Variants in RPS6KA5 observed in about 807,000 individuals in gnomAD.
RPS6KA5 encodes ribosomal protein S6 kinase A5, also known as ribosomal protein S6 kinase alpha-5.
RPS6KA5 carries 27 observed loss-of-function variants against 85.5 expected under a neutral mutation model. The ratio of observed to expected loss-of-function variants is 0.32; its 90% CI spans 0.23 to 0.44. The LOEUF is 0.44. RPS6KA5 is among the 20% of genes least tolerant of loss of function. RPS6KA5 has a pLI of 1.00. For synonymous variants in RPS6KA5, 334 were observed against 348.2 expected (o/e 0.96, Z 0.46); for missense variants, 811 against 980.9 (o/e 0.83, Z 2.31).
At chr14:90,887,981 A>G (rs2034332311) in intron 14 of RPS6KA5, among the ~76,000 whole-genome samples, 1 of 149,482 alleles carries the variant, frequency 6.7e-6, no homozygotes, top group African/African-American at 2.4e-5. Flanking sequence ...AGGAATCTAA[A>G]TTAGAAAGTG....
chr14:90,867,491 T>C lies in RPS6KA5; in HGVS notation c.*4583A>G, dbSNP rs2032850812. ...CTGCTATACTAAATACTAACTTGAC[T>C]TATCTGAAGTATTCAATACTTTCTG... On this transcript the variant is annotated 3_prime_UTR_variant, in exon 17 of 17. Coordinates refer to ENST00000614987, the MANE Select transcript of RPS6KA5 (RefSeq NM_004755.4). The C allele has an allele frequency of 6.6e-6, 1 of 152,186 alleles. No homozygotes were observed. The highest frequency in any genetic ancestry group is 6.5e-5 in the Admixed American group (1 of 15,276). 9.4% of individuals were successfully genotyped at this position (152,186 alleles called of 1,614,324 possible).
At chr14:91,046,670 T>C (rs1439953748) in intron 1 of RPS6KA5, among the ~76,000 whole-genome samples, 1 of 152,218 alleles carries the variant, frequency 6.6e-6, no homozygotes, top group Non-Finnish European at 1.5e-5. Context: ...ATTCTACTTA[T>C]ATAGAAAACC....
intron 14 of RPS6KA5, among the ~76,000 whole-genome samples, chr14:90,880,056 C>T (rs951077550): frequency 1.2e-4 from 18 of 152,172 alleles, no homozygotes; most frequent in African/African-American, 4.1e-4. Context: ...GCCTTGGCCT[C>T]CCAAAGGGCT....
At chr14:91,027,395 C>T (rs1437917156) in intron 1 of RPS6KA5, among the ~76,000 whole-genome samples, 1 of 152,038 alleles carries the variant, frequency 6.6e-6, no homozygotes. Context: ...TTTTTTTCCA[C>T]TTTGCCAAAG....
At chr14:90,875,916 G>T (rs970072922) in intron 14 of RPS6KA5, among the ~76,000 whole-genome samples, 1 of 123,072 alleles carries the variant, frequency 8.1e-6, no homozygotes, top group African/African-American at 3.0e-5. Context: ...GTGGGGGGAG[G>T]GGGGAGGGAT....
chr14:90,875,702 C>T (rs1013455673), intron 14 of RPS6KA5, among the ~76,000 whole-genome samples: 6 of 151,824 alleles, frequency 4.0e-5, no homozygotes, highest in African/African-American at 9.7e-5. Flanking sequence ...CATATATACA[C>T]CATGGAATAC....
At chr14:90,923,020 G>C in intron 6 of RPS6KA5, 93 bp downstream of exon 6, 1 of 844,542 alleles carries the variant, frequency 1.2e-6, no homozygotes, top group South Asian at 1.6e-5. Context: ...CCAGAAAGAC[G>C]GCTCTGTTGA....
At chr14:91,028,520 A>G (rs1361308234) in intron 1 of RPS6KA5, among the ~76,000 whole-genome samples, 1 of 146,316 alleles carries the variant, frequency 6.8e-6, no homozygotes, top group Non-Finnish European at 1.5e-5. Flanking sequence ...CCAGCCTTAA[A>G]TGATTTTTTT....
At chr14:91,031,385 A>T (rs1374274023) in intron 1 of RPS6KA5, among the ~76,000 whole-genome samples, 1 of 152,358 alleles carries the variant, frequency 6.6e-6, no homozygotes, top group South Asian at 2.1e-4. Context: ...CGCCACAGAT[A>T]TAATACTAAA....
intron 1 of RPS6KA5, among the ~76,000 whole-genome samples, chr14:91,045,057 A>G (rs1051342032): frequency 2.6e-5 from 4 of 152,094 alleles, no homozygotes; most frequent in Admixed American, 1.3e-4. Flanking sequence ...TCTGGCTAAC[A>G]CAATAATTTA....
At chr14:91,051,480 A>T (rs1219103358) in intron 1 of RPS6KA5, among the ~76,000 whole-genome samples, 1 of 151,870 alleles carries the variant, frequency 6.6e-6, no homozygotes, top group Non-Finnish European at 1.5e-5. Flanking sequence ...TTATCATGAA[A>T]CATCCTTTTA....
chr14:90,990,934 A>T (rs1001815555), intron 2 of RPS6KA5, among the ~76,000 whole-genome samples: 1 of 152,174 alleles, frequency 6.6e-6, no homozygotes, highest in Non-Finnish European at 1.5e-5. Flanking sequence ...TACTATGCTC[A>T]CTACCTAGGT....
intron 14 of RPS6KA5, among the ~76,000 whole-genome samples, chr14:90,876,224 T>C (rs1232828063): frequency 1.3e-5 from 2 of 152,214 alleles, no homozygotes; most frequent in East Asian, 1.9e-4. Context: ...ATGGTATTGA[T>C]GTTAACAGAA....
chr14:90,974,551 C>A (rs1295212463), intron 3 of RPS6KA5, among the ~76,000 whole-genome samples: 1 of 152,212 alleles, frequency 6.6e-6, no homozygotes, highest in Non-Finnish European at 1.5e-5. Flanking sequence ...GTTCCAGTGT[C>A]CAGGCTCAGG....
intron 2 of RPS6KA5, among the ~76,000 whole-genome samples, chr14:90,983,809 C>CTG (rs765754428): frequency 0.031 from 3,859 of 126,316 alleles, 72 homozygotes; most frequent in Middle Eastern, 0.043. Flanking sequence ...CTCTCTCTCT[C>CTG]TCTCTCTGTC....
intron 14 of RPS6KA5, among the ~76,000 whole-genome samples, chr14:90,885,252 CAAA>C (rs997481800): frequency 3.9e-5 from 4 of 101,760 alleles, no homozygotes; most frequent in African/African-American, 3.8e-5. Flanking sequence ...GATCTTGTCT[CAAA>C]AAAAAAAAAA....
At chr14:90,948,658 G>A (rs73324698) in intron 3 of RPS6KA5, among the ~76,000 whole-genome samples, 20,759 of 151,012 alleles carry the variant, frequency 0.14, 1,668 homozygotes, top group East Asian at 0.32. Context: ...TCGCGCCACC[G>A]CACTCCAGCC....
At chr14:91,044,352 AAAGAAAGAAAGAGAAAGAAAGAAG>A (rs1484731617) in intron 1 of RPS6KA5, among the ~76,000 whole-genome samples, 2 of 35,830 alleles carry the variant, frequency 5.6e-5, no homozygotes, top group Non-Finnish European at 1.4e-4. Context: ...AGAAAGAAAG[AAAGAAAGAAAGAGAAAGAAAGAAG>A]GAAAGAAAGA....
At chr14:90,917,622 C>T (rs1479634415) in intron 7 of RPS6KA5, among the ~76,000 whole-genome samples, 1 of 152,102 alleles carries the variant, frequency 6.6e-6, no homozygotes, top group Non-Finnish European at 1.5e-5. Context: ...GGTTAGTTTG[C>T]ATTTTCCAGA....
Sources: gnomAD v4.1 joint callset for allele counts (sites outside exome capture counted in the v4.1 genomes callset) on GRCh38, gnomAD v4.1.1 for gene constraint, MANE v1.5 for transcripts, NCBI Gene and HGNC (gene_info 2026-07-23, HGNC 2026-07-21) for gene names.